The following VMP1 variants were observed in gnomAD, a reference collection of about 807,000 sequenced individuals.
VMP1 encodes the protein vacuole membrane protein 1.
VMP1 carries 11 observed loss-of-function variants against 56.0 expected under a neutral mutation model. That is an observed-to-expected ratio of 0.20 (90% CI 0.12 to 0.32). VMP1 has a LOEUF of 0.32. Ranked by LOEUF, VMP1 falls within the 10% of genes least tolerant of loss-of-function variation. The pLI, the probability that VMP1 is intolerant of heterozygous loss-of-function variation, is 1.00. For synonymous variants in VMP1, 149 were observed against 165.0 expected, an observed-to-expected ratio of 0.90 and a Z score of 0.74; for missense variants, 296 against 490.3, an observed-to-expected ratio of 0.60 and a Z score of 3.74.
intron 1 of VMP1, among the ~76,000 whole-genome samples, chr17:59,722,621 G>T (rs1004506766): frequency 2.0e-5 from 3 of 152,100 alleles, no homozygotes; most frequent in South Asian, 2.1e-4. Flanking sequence ...CTAGCAGATC[G>T]CCTGAGGTCA....
chr17:59,756,640 C>T (rs2035852007), intron 5 of VMP1, among the ~76,000 whole-genome samples: 1 of 152,150 alleles, frequency 6.6e-6, no homozygotes, highest in African/African-American at 2.4e-5. Flanking sequence ...GGAAGAATGT[C>T]TGTCTGTCTG....
chr17:59,748,306 A>ACTT (rs2143889669), intron 5 of VMP1, among the ~76,000 whole-genome samples: 1 of 152,292 alleles, frequency 6.6e-6, no homozygotes, highest in East Asian at 1.9e-4. Flanking sequence ...AAACATACTA[A>ACTT]CTTTAAGTCC....
intron 5 of VMP1, among the ~76,000 whole-genome samples, chr17:59,764,131 T>C (rs1361112729): frequency 6.6e-6 from 1 of 152,228 alleles, no homozygotes; most frequent in Non-Finnish European, 1.5e-5. Context: ...GATCACCAGC[T>C]GTTTTTAAGT....
At chr17:59,731,352 G>C in intron 1 of VMP1, 69 bp from the exon 2 acceptor site, 1 of 911,250 alleles carries the variant, frequency 1.1e-6, no homozygotes. Flanking sequence ...CCTGTATTCA[G>C]TTTTATTCAG....
intron 5 of VMP1, among the ~76,000 whole-genome samples, chr17:59,739,714 ACT>A (rs1241483609): frequency 1.0e-5 from 1 of 99,332 alleles, no homozygotes. Flanking sequence ...ACAGAGCAAG[ACT>A]CTGTCTCAAA....
intron 10 of VMP1, among the ~76,000 whole-genome samples, chr17:59,821,226 T>C (rs1294131355): frequency 6.6e-6 from 1 of 152,052 alleles, no homozygotes; most frequent in Non-Finnish European, 1.5e-5. Context: ...TGCCTAAGCC[T>C]CCCAAAGTGC....
At chr17:59,756,707 CTCTTAATGTGATGTTGTAG>C (rs2035854815) in intron 5 of VMP1, among the ~76,000 whole-genome samples, 1 of 152,166 alleles carries the variant, frequency 6.6e-6, no homozygotes, top group Admixed American at 6.5e-5. Flanking sequence ...ACATTCTGCA[CTCTTAATGTGATGTTGTAG>C]TCTTCATCTC....
chr17:59,773,347 T>A (rs2144033809), intron 6 of VMP1, among the ~76,000 whole-genome samples: 1 of 151,986 alleles, frequency 6.6e-6, no homozygotes, highest in East Asian at 1.9e-4. Flanking sequence ...TAAGTAGAGA[T>A]TCTAGAGAAC....
chr17:59,774,274 A>G (rs1326410548), intron 7 of VMP1, among the ~76,000 whole-genome samples: 1 of 152,150 alleles, frequency 6.6e-6, no homozygotes, highest in Non-Finnish European at 1.5e-5. Flanking sequence ...ATCAAAGGAC[A>G]GATGTGGTGG....
chr17:59,813,470 A>G (rs533368362), intron 9 of VMP1, among the ~76,000 whole-genome samples: 4 of 151,874 alleles, frequency 2.6e-5, no homozygotes, highest in Non-Finnish European at 2.9e-5. Flanking sequence ...CCAGCTACTC[A>G]GGAGCCTGAG....
At chr17:59,757,570 C>T (rs762456732) in intron 5 of VMP1, among the ~76,000 whole-genome samples, 11 of 152,106 alleles carry the variant, frequency 7.2e-5, no homozygotes, top group Non-Finnish European at 1.3e-4. Context: ...TACATCTGCT[C>T]TTACTAGAAA....
rs2036522764 is a variant in VMP1, at chr17:59,773,782, C to T, written c.611C>T (p.Pro204Leu). 2 of 1,609,674 alleles carry T rather than the reference C, an allele frequency of 1.2e-6. No individual in the cohort carries two copies. Among genetic ancestry groups the T allele is most frequent in the Non-Finnish European group, 1.7e-6 (2 of 1,178,750 alleles). ...WGIGTAIGEL[P>L]PYFMARAARL... ...ATCGGTACAGCAATCGGAGAGCTGC[C>T]TCCATATTTCATGGCCAGAGCAGCT... The change falls in exon 7 of 12, where the codon CCT (proline) becomes CTT (leucine). Residue 204 changes from proline to leucine, a missense_variant. Physicochemically the swap from Pro to Leu is moderately conservative, Grantham distance 98 (BLOSUM62 -3). This residue lies in a region of VMP1 where 126 missense variants were observed against 231.6 expected (regional missense o/e 0.54). Coordinates refer to ENST00000262291, the MANE Select transcript of VMP1 (RefSeq NM_030938.5).
intron 5 of VMP1, among the ~76,000 whole-genome samples, chr17:59,752,548 A>T (rs541094328): frequency 1.3e-5 from 2 of 152,240 alleles, no homozygotes; most frequent in South Asian, 2.1e-4. Context: ...TGAGTTGTAT[A>T]AAAAAAATTA....
At chr17:59,711,970 CT>C (rs2033949993) in intron 1 of VMP1, among the ~76,000 whole-genome samples, 4 of 152,014 alleles carry the variant, frequency 2.6e-5, no homozygotes, top group African/African-American at 9.7e-5. Flanking sequence ...AGCTAGACTG[CT>C]TTTTTTCAAA....
chr17:59,773,968 G>T, intron 7 of VMP1, 83 bp downstream of exon 7: 3 of 1,227,084 alleles, frequency 2.4e-6, no homozygotes, highest in East Asian at 3.0e-5. Context: ...TAGTTACTCT[G>T]AAGAAGAAAA....
At chr17:59,735,499 T>C in intron 3 of VMP1, 26 bp downstream of exon 3, 1 of 1,612,628 alleles carries the variant, frequency 6.2e-7, no homozygotes, top group Non-Finnish European at 8.5e-7. Flanking sequence ...CCACTACCTT[T>C]TACATACACC....
At chr17:59,738,134 A>G (rs1335945218) in intron 4 of VMP1, among the ~76,000 whole-genome samples, 1 of 152,204 alleles carries the variant, frequency 6.6e-6, no homozygotes, top group East Asian at 1.9e-4. Flanking sequence ...AATCACTGCC[A>G]AAGTTTTCTT....
intron 5 of VMP1, among the ~76,000 whole-genome samples, chr17:59,750,200 C>G (rs908113043): frequency 2.8e-4 from 42 of 151,970 alleles, no homozygotes; most frequent in African/African-American, 1.0e-3. Context: ...CGTTTTATTT[C>G]TCCAGCAAAT....
chr17:59,789,908 C>T (rs2037163765), intron 7 of VMP1, among the ~76,000 whole-genome samples: 1 of 123,484 alleles, frequency 8.1e-6, no homozygotes, highest in Non-Finnish European at 1.6e-5. Flanking sequence ...GGTGTGATCT[C>T]AGCTCACTGC....
Sources: allele counts gnomAD v4.1 joint callset (sites outside exome capture counted in the v4.1 genomes callset), GRCh38; gene constraint gnomAD v4.1.1; regional missense constraint gnomAD v4.1.1; transcripts MANE v1.5; gene names NCBI Gene and HGNC (gene_info 2026-07-23, HGNC 2026-07-21).